The following RHOT2 variants were observed in gnomAD, a reference collection of about 807,000 sequenced individuals.
RHOT2 encodes ras homolog family member T2, also known as mitochondrial Rho GTPase 2.
A neutral mutation model predicts 81.6 loss-of-function variants in RHOT2; 90 were observed. The ratio of observed to expected loss-of-function variants is 1.10; its 90% CI spans 0.93 to 1.31. RHOT2 has a LOEUF of 1.31. Among genes scored for constraint, RHOT2 ranks in the 40% most tolerant of loss-of-function variants. The pLI, the probability that RHOT2 is intolerant of heterozygous loss-of-function variation, is 0.00. For missense variants in RHOT2, 1,014 were observed against 841.9 expected (o/e 1.20, Z -2.53); for synonymous variants, 512 against 370.9 (o/e 1.38, Z -4.37).
Position 672,716 on chromosome 16 carries a change from G to A in RHOT2, c.1418G>A (p.Gly473Asp). Residue 473 changes from glycine to aspartate, a missense_variant, in exon 17 of 19, where the codon GGC becomes GAC. By Grantham distance (94) the Gly-to-Asp change is moderately conservative. Coordinates refer to ENST00000315082, the MANE Select transcript of RHOT2 (RefSeq NM_138769.3). ...QEKYLILCEV[G>D]TDGLLATSLD... The stretch of plus-strand genomic sequence containing the variant: ...TGTCTGTCCCAGCTCTGTGAGGTGG[G>A]CACAGATGGTCTGCTGGCCACATCG... 1 of 1,612,260 alleles carries A rather than the reference G, an allele frequency of 6.2e-7. No individual in the cohort carries two copies. The highest frequency in any genetic ancestry group is 2.2e-5 in the East Asian group (1 of 44,882).
In RHOT2 at chr16:668,562, C is replaced by G. The variant is rs143268010; in HGVS notation, c.171C>G (p.Asp57Glu). 6 of 1,610,654 alleles carry G rather than the reference C, an allele frequency of 3.7e-6. No homozygotes were observed. In the South Asian group the frequency reaches 5.5e-5, roughly 15 times the overall value. The change falls in exon 3 of 19, where the codon GAC becomes GAG. Residue 57 changes from aspartate (D) to glutamate (E), a missense_variant. Transcript: ENST00000315082. ...AGAAGGTGCCCACCCACATCGTGGA[C>G]TACTCAGGTAGCGGCCGTAGCCTCC... ...TPEKVPTHIVDYSEAEQTDEE... is the reference protein window; with the variant it reads ...TPEKVPTHIVEYSEAEQTDEE...
rs2038790335 is a variant in RHOT2, at chr16:670,784, G to A, written c.639+11G>A. ...CTCAACGCTTTCCAGGTGTGCCCCT[G>A]CCCCACCCTCGGTGCCCAGCCCCCT... On this transcript the variant is annotated intron_variant, in intron 9 of 18. Transcript: ENST00000315082. 1 of 1,610,976 alleles carries A rather than the reference G, an allele frequency of 6.2e-7. No individual in the cohort carries two copies. The highest frequency in any genetic ancestry group is 1.7e-5 in the Admixed American group (1 of 59,986).
chr16:669,914 T>G, intron 5 of RHOT2: 1 of 612,948 alleles, frequency 1.6e-6, no homozygotes, highest in Non-Finnish European at 2.8e-6. Flanking sequence ...CCCAGTGACT[T>G]GGGGGTGTTT....
chr16:672,927 G>A lies in RHOT2; in HGVS notation c.1528-1G>A, dbSNP rs2039216985. The A allele has an allele frequency of 6.2e-6, 10 of 1,612,782 alleles. No homozygotes were observed. Among genetic ancestry groups the A allele is most frequent in the Admixed American group, 1.7e-5 (1 of 60,024 alleles). On this transcript the variant is annotated splice_acceptor_variant, in intron 17 of 18. Coordinates refer to ENST00000315082, the MANE Select transcript of RHOT2 (RefSeq NM_138769.3). LOFTEE classifies it high-confidence loss of function. Reference sequence around the variant, plus strand: ...TACCTCATACCACTCTCTGCCCACAGCACCATTACATGGACGGGCAGACCC... The same window carrying A: ...TACCTCATACCACTCTCTGCCCACAACACCATTACATGGACGGGCAGACCC...
rs765714443 is a variant in RHOT2, at chr16:671,747, A to G, written c.920A>G (p.Gln307Arg). The G allele has an allele frequency of 2.5e-6, 4 of 1,612,458 alleles. No homozygotes were observed. Among genetic ancestry groups the G allele is most frequent in the East Asian group, 2.2e-5 (1 of 44,872 alleles). Residue 307 changes from glutamine to arginine, a missense_variant, in exon 12 of 19, where the codon CAG becomes CGG. Transcript: ENST00000315082. ...ACGGAGCTCAACCACCTTGGCTACC[A>G]GTTTGTGCAGAGAGTGTTTGAGAAG... ...CSTELNHLGY[Q>R]FVQRVFEKHD...
rs772533935 is a variant in RHOT2 at position 671,187 on chromosome 16, G to T, written c.853G>T (p.Asp285Tyr). ...GYSDALELTA[D>Y]YLSPLIHVPP... ...CAGCGATGCCCTGGAGCTGACTGCG[G>T]ACTATCTCTCCCCTCTGTGAGTGAT... The change falls in exon 11 of 19, where the codon GAC (aspartate) becomes TAC (tyrosine). Residue 285 changes from aspartate to tyrosine, a missense_variant. By Grantham distance (160) the Asp-to-Tyr change is radical. Transcript: ENST00000315082. 52 of 1,567,586 alleles carry T rather than the reference G, an allele frequency of 3.3e-5. No homozygotes were observed. Among genetic ancestry groups the T allele is most frequent in the Non-Finnish European group, 4.3e-5 (50 of 1,155,260 alleles).
At position 671,659 on chromosome 16, in the gene RHOT2, G is replaced by A. The variant is rs369539205; in HGVS notation, c.870-38G>A. 298 of 1,593,830 alleles carry A rather than the reference G, an allele frequency of 1.9e-4. 3 individuals are homozygous for A. The highest frequency in any genetic ancestry group is 1.4e-3 in the Admixed American group (85 of 59,470). ...GATGGGCTGAGCGTGGTGCTGCAGAGTCTCCTGGGAGCTAGACGGGCTGTG... is the reference window on the plus strand; with the variant it reads ...GATGGGCTGAGCGTGGTGCTGCAGAATCTCCTGGGAGCTAGACGGGCTGTG... On this transcript the variant is annotated intron_variant, in intron 11 of 18. Coordinates refer to ENST00000315082, the MANE Select transcript of RHOT2 (RefSeq NM_138769.3).
chr16:668,982 G>A (rs930570297), intron 4 of RHOT2: 4 of 513,506 alleles, frequency 7.8e-6, no homozygotes, highest in African/African-American at 4.0e-5. Flanking sequence ...CTCTGTGTGC[G>A]CCACGTCCCC....
At position 673,070 on chromosome 16, in the gene RHOT2, C is replaced by T. The variant is rs1229285413; in HGVS notation, c.1670C>T (p.Ala557Val). ...CCCGCTCCCGTGCCGTTCTCCTGTG[C>T]TGGCCCAGCCGAGCCCAGCACCACC... is the stretch of plus-strand genomic sequence containing the variant. ...RLPAPVPFSC[A>V]GPAEPSTTIF... Residue 557 changes from alanine (A) to valine (V), a missense_variant, in exon 18 of 19, where the codon GCT (alanine) becomes GTT (valine). Coordinates refer to ENST00000315082, the MANE Select transcript of RHOT2 (RefSeq NM_138769.3). 1.2e-6 allele frequency: 2 copies of T among 1,611,592 alleles called. No individual in the cohort carries two copies. Among genetic ancestry groups the T allele is most frequent in the Admixed American group, 1.7e-5 (1 of 60,002 alleles).
intron 18 of RHOT2, 134 bp downstream of exon 18, chr16:673,264 C>A: frequency 7.8e-7 from 1 of 1,275,930 alleles, no homozygotes; most frequent in Non-Finnish European, 1.1e-6. Context: ...TGGCGTCAGG[C>A]CTGGAACTGG....
chr16:669,130 C>T (rs2038451603), intron 4 of RHOT2: 2 of 381,342 alleles, frequency 5.2e-6, no homozygotes, highest in Non-Finnish European at 9.6e-6. Context: ...TGGCACCCCT[C>T]ACTGCGGTCC....
At chr16:668,319 T>TTAAAACA in intron 1 of RHOT2, 34 bp from the exon 2 acceptor site, 1 of 1,292,984 alleles carries the variant, frequency 7.7e-7, no homozygotes. Context: ...CGCCGTGACC[T>TTAAAACA]TGGCCCTCGC....
At chr16:669,631 C>T (rs1472822265) in intron 5 of RHOT2, 25 bp downstream of exon 5, 5 of 1,609,530 alleles carry the variant, frequency 3.1e-6, no homozygotes, top group Admixed American at 1.7e-5. Flanking sequence ...CAGACCCCAA[C>T]AGCAGAGACA....
At position 672,363 on chromosome 16, in the gene RHOT2, C is replaced by T. The variant is rs17851251; in HGVS notation, c.1305C>T (p.Ala435=). 2 of 1,610,866 alleles carry T rather than the reference C, an allele frequency of 1.2e-6. No individual in the cohort carries two copies. Among genetic ancestry groups the T allele is most frequent in the African/African-American group, 1.3e-5 (1 of 74,996 alleles). The change falls in exon 15 of 19, where the codon GCC becomes GCT. Residue 435 remains alanine, a synonymous_variant. Transcript: ENST00000315082. ...TGGGCAAGTCTGCCTTCCTGCAGGC[C>T]TTTCTCGGCCGCGGCCTGGGGGTAA... ...RGVGKSAFLQ[A]FLGRGLGHQD...
intron 17 of RHOT2, 46 bp downstream of exon 17, chr16:672,871 C>G (rs752248099): frequency 1.2e-6 from 2 of 1,612,562 alleles, no homozygotes; most frequent in Non-Finnish European, 8.5e-7. Flanking sequence ...GGGTCTGTCC[C>G]TCCAGCTGTG....
At chr16:668,987 G>A (rs1230114785) in intron 4 of RHOT2, 2 of 507,262 alleles carry the variant, frequency 3.9e-6, no homozygotes, top group East Asian at 3.5e-5. Flanking sequence ...TGTGCGCCAC[G>A]TCCCCGTGCT....
intron 11 of RHOT2, chr16:671,439 C>A (rs1426349392): frequency 1.1e-5 from 8 of 705,102 alleles, no homozygotes; most frequent in African/African-American, 3.6e-5. Flanking sequence ...TTGCCAACCC[C>A]GCTCGCGTGG....
intron 5 of RHOT2, 72 bp from the exon 6 acceptor site, chr16:670,051 C>T (rs1016441077): frequency 1.8e-5 from 25 of 1,411,540 alleles, no homozygotes; most frequent in South Asian, 2.8e-5. Context: ...CTCCCCCAGC[C>T]AGGCTCATGC....
chr16:668,580 T>C lies in RHOT2; in HGVS notation c.178+11T>C. ...TCGTGGACTACTCAGGTAGCGGCCG[T>C]AGCCTCCCGGGGGCCCGGCCCGCAG... On this transcript the variant is annotated intron_variant, in intron 3 of 18. Coordinates refer to ENST00000315082, the MANE Select transcript of RHOT2 (RefSeq NM_138769.3). The C allele has an allele frequency of 6.2e-7, 1 of 1,610,250 alleles. No homozygotes were observed. The highest frequency in any genetic ancestry group is 1.1e-5 in the South Asian group (1 of 90,706).
Sources: allele counts gnomAD v4.1 joint callset, GRCh38; gene constraint gnomAD v4.1.1; transcripts MANE v1.5; gene names NCBI Gene and HGNC (gene_info 2026-07-23, HGNC 2026-07-21).